The following LRRK1 variants were observed in gnomAD, a reference collection of about 807,000 sequenced individuals.
The protein encoded by LRRK1 is leucine-rich repeat serine/threonine-protein kinase 1.
A neutral mutation model predicts 209.1 loss-of-function variants in LRRK1; 113 were observed. The ratio of observed to expected loss-of-function variants is 0.54; its 90% CI spans 0.46 to 0.63. LRRK1 has a LOEUF of 0.63. Among genes scored for constraint, LRRK1 ranks in the 30% least tolerant of loss-of-function variants. The pLI is 0.00. For missense variants in LRRK1, 2,284 were observed against 2,632.2 expected (o/e 0.87, Z 2.89); for synonymous variants, 1,144 against 1,099.7 (o/e 1.04, Z -0.80).
Position 101,015,341 on chromosome 15 carries a change from G to C in LRRK1, c.1548G>C (p.Leu516=), listed in dbSNP as rs960732413. The change falls in exon 12 of 34, where the codon CTG becomes CTC. Residue 516 remains leucine (L), a synonymous_variant. Transcript: ENST00000388948. ...RNQLGKNEDG[L]KTKRIAFFTT... is the part of the protein sequence containing the mutation. ...CTCCCCCCAGAAATGAAGATGGACT[G>C]AAAACGAAGCGTATTGCCTTTTTCA... 1.9e-6 allele frequency: 3 copies of C among 1,613,730 alleles called. No homozygotes were observed. The highest frequency in any genetic ancestry group is 1.3e-5 in the African/African-American group (1 of 74,920).
intron 4 of LRRK1, among the ~76,000 whole-genome samples, chr15:100,986,674 AC>A (rs764288434): frequency 1.3e-5 from 2 of 152,210 alleles, no homozygotes; most frequent in Admixed American, 6.5e-5. Flanking sequence ...AGCCAACACA[AC>A]CTGTAGGTAA....
intron 31 of LRRK1, 160 bp from the exon 32 acceptor site, chr15:101,065,192 G>T (rs1411611913): frequency 2.7e-6 from 2 of 737,750 alleles, no homozygotes; most frequent in Non-Finnish European, 4.4e-6. Flanking sequence ...TTCTTTAGGA[G>T]TAGCCCCGGC....
intron 2 of LRRK1, among the ~76,000 whole-genome samples, chr15:100,937,954 G>C (rs113173365): frequency 0.013 from 1,976 of 150,592 alleles, 41 homozygotes; most frequent in African/African-American, 0.046. Context: ...GGGCTTTAGC[G>C]ATCCTCCTAC....
rs1347033942 is a variant in LRRK1, at chr15:101,024,162, C to G, written c.2068-641C>G. Among the ~76,000 whole-genome samples the G allele has an allele frequency of 1.3e-5, 2 of 152,204 alleles. No individual in the cohort carries two copies. Among genetic ancestry groups the G allele is most frequent in the Non-Finnish European group, 2.9e-5 (2 of 68,042 alleles). On this transcript the variant is annotated intron_variant, in intron 15 of 33. Transcript: ENST00000388948. The surrounding 1 kb of genome is among the most constrained non-coding windows in gnomAD (Gnocchi z 4.6). ...GCCAGTTGAGAACAGCTGTTTTCAT[C>G]TTTATACAAAACCAGGTCAGCACAC...
intron 6 of LRRK1, among the ~76,000 whole-genome samples, chr15:100,999,642 C>A (rs946168889): frequency 1.3e-5 from 2 of 152,130 alleles, no homozygotes; most frequent in Non-Finnish European, 2.9e-5. Flanking sequence ...AACATAGGAA[C>A]TATTTGTTAT....
At chr15:100,929,789 CAGG>C (rs1187794855) in intron 2 of LRRK1, among the ~76,000 whole-genome samples, 1 of 152,192 alleles carries the variant, frequency 6.6e-6, no homozygotes, top group Non-Finnish European at 1.5e-5. Flanking sequence ...AGCCTGGCTG[CAGG>C]AGTTCACCAG....
At position 100,939,880 on chromosome 15, in the gene LRRK1, G is replaced by T. The variant is rs149465695; in HGVS notation, c.97+15151G>T. 7.1e-3 allele frequency among the ~76,000 whole-genome samples: 1,078 copies of T among 152,062 alleles called. 12 individuals carry two copies. The highest frequency in any genetic ancestry group is 0.024 in the African/African-American group (1,009 of 41,452). ...TTTGAAGGCGGCCAATGAAGGTGGG[G>T]TTTTTTTTCCTTAGTATCATTATGA... is the stretch of plus-strand genomic sequence containing the variant. On this transcript the variant is annotated intron_variant, in intron 2 of 33. Coordinates refer to ENST00000388948, the MANE Select transcript of LRRK1 (RefSeq NM_024652.6).
At chr15:101,043,220 GCA>G (rs1001300331) in intron 20 of LRRK1, among the ~76,000 whole-genome samples, 82 of 152,230 alleles carry the variant, frequency 5.4e-4, no homozygotes, top group Non-Finnish European at 1.8e-4. Flanking sequence ...CCTGGATCCT[GCA>G]CAGTGAGGCC....
chr15:101,018,045 A>T (rs1022051217), intron 12 of LRRK1, among the ~76,000 whole-genome samples: 2 of 152,210 alleles, frequency 1.3e-5, no homozygotes, highest in South Asian at 2.1e-4. Flanking sequence ...ACATTCAAAA[A>T]TTGTGTTCAG....
At chr15:100,969,209 AT>A (rs2030697040) in intron 2 of LRRK1, among the ~76,000 whole-genome samples, 1 of 152,146 alleles carries the variant, frequency 6.6e-6, no homozygotes, top group South Asian at 2.1e-4. Flanking sequence ...TCTAGATACC[AT>A]TTATTTTCAG....
intron 2 of LRRK1, among the ~76,000 whole-genome samples, chr15:100,929,167 A>G (rs1199499487): frequency 6.6e-6 from 1 of 152,232 alleles, no homozygotes; most frequent in African/African-American, 2.4e-5. Flanking sequence ...TGGAAAGTAG[A>G]GAAGTCAGGA....
intron 3 of LRRK1, among the ~76,000 whole-genome samples, chr15:100,982,622 C>T (rs1247155074): frequency 6.6e-6 from 1 of 152,216 alleles, no homozygotes; most frequent in African/African-American, 2.4e-5. Context: ...GTCAAGAGTC[C>T]CTCTGCATGC....
chr15:100,948,580 G>A (rs1047257662), intron 2 of LRRK1, among the ~76,000 whole-genome samples: 4 of 152,036 alleles, frequency 2.6e-5, no homozygotes, highest in Non-Finnish European at 5.9e-5. Context: ...TTTGAGATGT[G>A]GAGTTGGAGT....
chr15:100,960,668 C>T (rs912733138), intron 2 of LRRK1, among the ~76,000 whole-genome samples: 5 of 152,166 alleles, frequency 3.3e-5, no homozygotes, highest in African/African-American at 4.8e-5. Flanking sequence ...ACTGTAGCAG[C>T]GCACTTGAGC....
chr15:101,001,799 A>G (rs2032705721), intron 6 of LRRK1, among the ~76,000 whole-genome samples: 1 of 151,926 alleles, frequency 6.6e-6, no homozygotes, highest in Non-Finnish European at 1.5e-5. Flanking sequence ...TCTAGGGGGG[A>G]AGATTCTTAC....
intron 20 of LRRK1, among the ~76,000 whole-genome samples, chr15:101,042,293 C>T (rs1256289593): frequency 1.3e-5 from 2 of 148,800 alleles, no homozygotes; most frequent in Non-Finnish European, 3.0e-5. Context: ...TAATTTTCTT[C>T]GATGTAGAAT....
intron 20 of LRRK1, among the ~76,000 whole-genome samples, chr15:101,044,338 C>A (rs1293655372): frequency 2.0e-5 from 3 of 152,256 alleles, no homozygotes; most frequent in Non-Finnish European, 4.4e-5. Context: ...GAGGCTGTCT[C>A]AGTGGGGTGG....
intron 2 of LRRK1, among the ~76,000 whole-genome samples, chr15:100,944,192 G>A (rs1035187056): frequency 6.6e-6 from 1 of 152,120 alleles, no homozygotes; most frequent in African/African-American, 2.4e-5. Flanking sequence ...AAAAAAGGAG[G>A]AGACCTATTG....
intron 4 of LRRK1, among the ~76,000 whole-genome samples, chr15:100,985,392 A>G (rs558325140): frequency 6.6e-6 from 1 of 152,346 alleles, no homozygotes; most frequent in African/African-American, 2.4e-5. Flanking sequence ...AAAACTGTGT[A>G]GAACGTGAGA....
Sources: gnomAD v4.1 joint callset for allele counts (sites outside exome capture counted in the v4.1 genomes callset) on GRCh38, gnomAD v4.1.1 for gene constraint, Gnocchi (gnomAD v3.1) non-coding constraint, MANE v1.5 for transcripts, NCBI Gene and HGNC (gene_info 2026-07-23, HGNC 2026-07-21) for gene names.